Variants in IL1RAPL2 observed in about 807,000 individuals in gnomAD.
IL1RAPL2 encodes interleukin 1 receptor accessory protein like 2.
IL1RAPL2 carries 3 observed loss-of-function variants against 44.1 expected under a neutral mutation model. That is an observed-to-expected ratio of 0.07 (90% confidence interval 0.03 to 0.18). IL1RAPL2 has a LOEUF of 0.18. Among genes scored for constraint, IL1RAPL2 ranks in the 10% least tolerant of loss-of-function variants. The pLI is 1.00. For synonymous variants in IL1RAPL2, 181 were observed against 178.8 expected, an observed-to-expected ratio of 1.01 and a Z score of -0.10; for missense variants, 391 against 496.4, an observed-to-expected ratio of 0.79 and a Z score of 2.02.
At chrX:105,322,980 A>G (rs1321383189) in intron 5 of IL1RAPL2, among the ~76,000 whole-genome samples, 1 of 111,997 alleles carries the variant, frequency 8.9e-6, no homozygotes, top group Non-Finnish European at 1.9e-5. Flanking sequence ...ATTTTATGCA[A>G]AAATTTTTGT....
At chrX:105,008,458 A>G (rs2147739660) in intron 2 of IL1RAPL2, among the ~76,000 whole-genome samples, 1 of 111,315 alleles carries the variant, frequency 9.0e-6, no homozygotes, top group South Asian at 3.8e-4. Flanking sequence ...ACCATAGGCT[A>G]TTTTTCAATG....
chrX:105,690,264 CAACTT>C (rs2038024604), intron 6 of IL1RAPL2, among the ~76,000 whole-genome samples: 1 of 111,225 alleles, frequency 9.0e-6, no homozygotes. Context: ...AAAATGTTAT[CAACTT>C]AACGTTTTAA....
intron 2 of IL1RAPL2, among the ~76,000 whole-genome samples, chrX:104,734,931 A>G (rs1408632521): frequency 8.9e-6 from 1 of 111,947 alleles, no homozygotes; most frequent in African/African-American, 3.2e-5. Flanking sequence ...AATAGTGTCA[A>G]TTGTAGAATT....
chrX:105,637,247 A>G (rs1398712588), intron 6 of IL1RAPL2, among the ~76,000 whole-genome samples: 1 of 111,553 alleles, frequency 9.0e-6, no homozygotes, highest in Non-Finnish European at 1.9e-5. Context: ...TTTTGTTTCA[A>G]TCTTTATTCT....
intron 5 of IL1RAPL2, among the ~76,000 whole-genome samples, chrX:105,417,613 G>A (rs1050754218): frequency 8.9e-6 from 1 of 112,397 alleles, no homozygotes; most frequent in African/African-American, 3.2e-5. Context: ...GTTCCCTTGG[G>A]GAAAAGTCAG....
intron 1 of IL1RAPL2, among the ~76,000 whole-genome samples, chrX:104,584,643 T>C (rs1281451947): frequency 9.0e-6 from 1 of 111,277 alleles, no homozygotes; most frequent in Non-Finnish European, 1.9e-5. Context: ...TGTTCAACCA[T>C]GGGTTTTTGG....
chrX:105,442,756 C>T (rs112876258), intron 5 of IL1RAPL2, among the ~76,000 whole-genome samples: 7,038 of 112,182 alleles, frequency 0.063, 558 homozygotes, highest in African/African-American at 0.22. Context: ...CATGCTGGAT[C>T]CCTTCTACTT....
intron 5 of IL1RAPL2, among the ~76,000 whole-genome samples, chrX:105,445,541 T>G (rs1321884815): frequency 3.6e-5 from 4 of 111,394 alleles, no homozygotes; most frequent in African/African-American, 1.3e-4. Context: ...CAAATTTTTC[T>G]CATAATACTG....
intron 6 of IL1RAPL2, among the ~76,000 whole-genome samples, chrX:105,510,762 G>A (rs2036463710): frequency 9.0e-6 from 1 of 111,630 alleles, no homozygotes; most frequent in Non-Finnish European, 1.9e-5. Flanking sequence ...GCCAAGGATT[G>A]TGGCAGCTAC....
intron 5 of IL1RAPL2, among the ~76,000 whole-genome samples, chrX:105,420,025 C>T (rs2035762866): frequency 9.1e-6 from 1 of 109,379 alleles, no homozygotes; most frequent in South Asian, 3.8e-4. Flanking sequence ...GAACTTTCCT[C>T]CACATTAAAA....
At chrX:104,819,238 C>A (rs975875183) in intron 2 of IL1RAPL2, among the ~76,000 whole-genome samples, 7 of 112,336 alleles carry the variant, frequency 6.2e-5, no homozygotes, top group African/African-American at 1.6e-4. Flanking sequence ...TACTACAACA[C>A]AGCAGATAGT....
chrX:105,759,310 C>A (rs1437875997), intron 10 of IL1RAPL2, among the ~76,000 whole-genome samples: 1 of 111,489 alleles, frequency 9.0e-6, no homozygotes, highest in Non-Finnish European at 1.9e-5. Flanking sequence ...TATTTATTAA[C>A]AATTATAAAT....
chrX:105,288,664 G>A (rs1316873333), intron 5 of IL1RAPL2, among the ~76,000 whole-genome samples: 1 of 110,458 alleles, frequency 9.1e-6, no homozygotes, highest in Non-Finnish European at 1.9e-5. Flanking sequence ...GAGTTTTGAT[G>A]TATAATATGT....
intron 6 of IL1RAPL2, among the ~76,000 whole-genome samples, chrX:105,686,111 A>G (rs2037971095): frequency 9.0e-6 from 1 of 111,123 alleles, no homozygotes; most frequent in Non-Finnish European, 1.9e-5. Flanking sequence ...GACAAATTGT[A>G]AAGACCATCG....
intron 2 of IL1RAPL2, among the ~76,000 whole-genome samples, chrX:104,894,341 G>A (rs1333588326): frequency 9.0e-6 from 1 of 111,688 alleles, no homozygotes; most frequent in Non-Finnish European, 1.9e-5. Flanking sequence ...GCCTTGCTAG[G>A]TTGGGGAACT....
chrX:105,653,830 TG>T (rs1263034143), intron 6 of IL1RAPL2, among the ~76,000 whole-genome samples: 1 of 111,508 alleles, frequency 9.0e-6, no homozygotes, highest in African/African-American at 3.3e-5. Context: ...TATGTGTTTT[TG>T]CTTGTACATA....
chrX:105,515,032 A>G (rs1196580234), intron 6 of IL1RAPL2, among the ~76,000 whole-genome samples: 1 of 111,733 alleles, frequency 8.9e-6, no homozygotes, highest in Non-Finnish European at 1.9e-5. Flanking sequence ...CAGGAAGAAA[A>G]TAAATAGTAA....
chrX:105,607,352 T>G (rs1164342407), intron 6 of IL1RAPL2, among the ~76,000 whole-genome samples: 1 of 109,606 alleles, frequency 9.1e-6, no homozygotes, highest in Admixed American at 9.8e-5. Context: ...TATGGATTGT[T>G]TTTGCTTTTT....
rs1378265660 is a variant in IL1RAPL2, at chrX:104,907,751, G to A, written c.82+248756G>A. Among the ~76,000 whole-genome samples the A allele has an allele frequency of 1.3e-4, 14 of 110,450 alleles. No individual in the cohort carries two copies. The Admixed American group carries it at 1.4e-3, about 11-fold the overall frequency. ...TGTGGTCAATTTTGGAATAGGTGTG[G>A]TGTGGTGCTGAAAAAAATGTATATT... is the stretch of plus-strand genomic sequence containing the variant. On this transcript the variant is annotated intron_variant, in intron 2 of 10. Coordinates refer to ENST00000372582, the MANE Select transcript of IL1RAPL2 (RefSeq NM_017416.2).
Sources: gnomAD v4.1 joint callset for allele counts (sites outside exome capture counted in the v4.1 genomes callset) on GRCh38, gnomAD v4.1.1 for gene constraint, MANE v1.5 for transcripts, NCBI Gene and HGNC (gene_info 2026-07-23, HGNC 2026-07-21) for gene names.